Variants in DACH2 observed in about 807,000 individuals in gnomAD.
DACH2 encodes the protein dachshund family transcription factor 2, also known as dachshund homolog 2.
A neutral mutation model predicts 35.8 loss-of-function variants in DACH2; 17 were observed. The observed-to-expected ratio is 0.48, with a 90% CI of 0.33 to 0.71. The LOEUF is 0.71. Among genes scored for constraint, DACH2 ranks in the 30% least tolerant of loss-of-function variants. The probability of loss-of-function intolerance (pLI) is 0.02; values close to 1 mark genes in which losing one functional copy is unlikely to be tolerated. For synonymous variants in DACH2, 195 were observed against 177.3 expected, an observed-to-expected ratio of 1.10 and a Z score of -0.79; for missense variants, 469 against 472.7, an observed-to-expected ratio of 0.99 and a Z score of 0.07.
intron 4 of DACH2, among the ~76,000 whole-genome samples, chrX:86,655,433 A>G (rs915071171): frequency 1.8e-5 from 2 of 112,059 alleles, no homozygotes; most frequent in African/African-American, 6.5e-5. Flanking sequence ...GTTATTTTCA[A>G]TTTTGTTGTA....
Position 86,282,989 on chromosome X carries a change from G to A in DACH2, c.489-93835G>A, listed in dbSNP as rs1324998529. On this transcript the variant is annotated intron_variant, in intron 1 of 11. Transcript: ENST00000373125. ...GAGACGGGGTTTCACCGCTTTAGCCGGGATGGTCTCGATCTCCTGACCTCG... is the reference window on the plus strand; with the variant it reads ...GAGACGGGGTTTCACCGCTTTAGCCAGGATGGTCTCGATCTCCTGACCTCG... Among the ~76,000 whole-genome samples the A allele has an allele frequency of 1.1e-4, 5 of 44,914 alleles. 2 individuals are homozygous for A. The highest frequency in any genetic ancestry group is 1.9e-4 in the African/African-American group (1 of 5,147). 39.0% of individuals were successfully genotyped at this position (44,914 alleles called of 115,157 possible).
intron 1 of DACH2, among the ~76,000 whole-genome samples, chrX:86,337,416 C>G (rs2035332588): frequency 8.9e-6 from 1 of 111,823 alleles, no homozygotes; most frequent in Non-Finnish European, 1.9e-5. Context: ...GAGTGGGGGC[C>G]AATATTCAAC....
intron 11 of DACH2, chrX:86,827,907 C>A: frequency 1.3e-6 from 1 of 750,050 alleles, no homozygotes. Context: ...ACTGTTTGTT[C>A]ATTACTGATA....
intron 3 of DACH2, among the ~76,000 whole-genome samples, chrX:86,520,525 A>G (rs1226016582): frequency 2.7e-5 from 3 of 111,198 alleles, no homozygotes; most frequent in Non-Finnish European, 3.8e-5. Context: ...TACTATTATT[A>G]TGTGGGAGTC....
At chrX:86,607,824 T>C (rs2039879652) in intron 3 of DACH2, among the ~76,000 whole-genome samples, 1 of 101,554 alleles carries the variant, frequency 9.8e-6, no homozygotes, top group Non-Finnish European at 2.0e-5. Context: ...AATTCTCACC[T>C]ATAAGTGAGA....
chrX:86,489,736 T>G (rs1029054586), intron 2 of DACH2, among the ~76,000 whole-genome samples: 6 of 111,896 alleles, frequency 5.4e-5, no homozygotes, highest in African/African-American at 1.6e-4. Context: ...CTAACCGAAT[T>G]TTTTTAAAGT....
At chrX:86,643,382 T>C (rs939587070) in intron 3 of DACH2, among the ~76,000 whole-genome samples, 1 of 110,409 alleles carries the variant, frequency 9.1e-6, no homozygotes, top group Non-Finnish European at 1.9e-5. Context: ...GATAAGTTCC[T>C]GGACACATAC....
At chrX:86,616,261 G>T (rs1264257270) in intron 3 of DACH2, among the ~76,000 whole-genome samples, 1 of 111,754 alleles carries the variant, frequency 8.9e-6, no homozygotes, top group African/African-American at 3.3e-5. Flanking sequence ...ATAGTAGAAA[G>T]ATTTATATTC....
intron 1 of DACH2, among the ~76,000 whole-genome samples, chrX:86,180,805 A>C (rs938520553): frequency 8.9e-6 from 1 of 111,979 alleles, no homozygotes; most frequent in African/African-American, 3.2e-5. Flanking sequence ...ATCGAAGCCA[A>C]TGAGTCTAAC....
intron 3 of DACH2, among the ~76,000 whole-genome samples, chrX:86,609,862 C>T (rs1185499439): frequency 1.8e-5 from 2 of 111,459 alleles, no homozygotes; most frequent in South Asian, 3.8e-4. Context: ...GGTGGAGTGA[C>T]AAAAGCAGCC....
chrX:86,321,392 G>A (rs939996582), intron 1 of DACH2, among the ~76,000 whole-genome samples: 44 of 112,039 alleles, frequency 3.9e-4, no homozygotes, highest in Non-Finnish European at 7.9e-4. Context: ...AAGGAGGTGT[G>A]TTTTATTAAA....
chrX:86,250,659 G>A (rs772048532), intron 1 of DACH2, among the ~76,000 whole-genome samples: 1 of 111,392 alleles, frequency 9.0e-6, no homozygotes, highest in East Asian at 2.8e-4. Context: ...TATAAACAGT[G>A]TTTAAAGGTA....
intron 1 of DACH2, among the ~76,000 whole-genome samples, chrX:86,241,202 G>C (rs995264289): frequency 5.4e-5 from 6 of 111,842 alleles, no homozygotes; most frequent in Non-Finnish European, 1.1e-4. Flanking sequence ...ACTTCCTAGA[G>C]ACTTGTTGTA....
chrX:86,538,936 TGAGTTA>T (rs769989490), intron 3 of DACH2, among the ~76,000 whole-genome samples: 1 of 111,584 alleles, frequency 9.0e-6, no homozygotes, highest in Non-Finnish European at 1.9e-5. Flanking sequence ...GAAATAATCA[TGAGTTA>T]GAAATAGCTA....
intron 4 of DACH2, among the ~76,000 whole-genome samples, chrX:86,656,037 C>T (rs755256616): frequency 2.0e-5 from 2 of 101,028 alleles, no homozygotes; most frequent in Non-Finnish European, 4.1e-5. Context: ...GCTCCCCCCC[C>T]CCACTAATCT....
At chrX:86,298,945 G>A (rs2034520587) in intron 1 of DACH2, among the ~76,000 whole-genome samples, 1 of 112,056 alleles carries the variant, frequency 8.9e-6, no homozygotes, top group South Asian at 3.6e-4. Flanking sequence ...CTGTGCTGTT[G>A]AATGATAAGG....
intron 6 of DACH2, among the ~76,000 whole-genome samples, chrX:86,729,637 G>A (rs2041510031): frequency 8.9e-6 from 1 of 111,870 alleles, no homozygotes; most frequent in Admixed American, 9.5e-5. Flanking sequence ...TGTTGGAGGT[G>A]GTACCTGATG....
chrX:86,754,947 A>C (rs750657475), intron 7 of DACH2, among the ~76,000 whole-genome samples: 1 of 111,771 alleles, frequency 8.9e-6, no homozygotes, highest in South Asian at 3.7e-4. Flanking sequence ...AATACCTAGT[A>C]GTGGCATTCC....
intron 1 of DACH2, among the ~76,000 whole-genome samples, chrX:86,322,087 A>G (rs1471640544): frequency 2.7e-5 from 3 of 110,540 alleles, no homozygotes; most frequent in Non-Finnish European, 5.7e-5. Flanking sequence ...TGCTCTTCTG[A>G]CTTAGGGGAA....
Sources: gnomAD v4.1 joint callset for allele counts (sites outside exome capture counted in the v4.1 genomes callset) on GRCh38, gnomAD v4.1.1 for gene constraint, MANE v1.5 for transcripts, NCBI Gene and HGNC (gene_info 2026-07-23, HGNC 2026-07-21) for gene names.